The following ARAP2 variants were observed in gnomAD, a reference collection of about 807,000 sequenced individuals.
ARAP2 encodes the protein arf-GAP with Rho-GAP domain, ANK repeat and PH domain-containing protein 2.
Under a neutral mutation model 194.5 loss-of-function variants are expected in ARAP2, and 148 were observed. That is an observed-to-expected ratio of 0.76 (90% CI 0.67 to 0.87). The LOEUF is 0.87. Among genes scored for constraint, ARAP2 ranks in the 40% least tolerant of loss-of-function variants. The pLI, the probability that ARAP2 is intolerant of heterozygous loss-of-function variation, is 0.00. For synonymous variants in ARAP2, 695 were observed against 683.5 expected (o/e 1.02, Z -0.26); for missense variants, 2,128 against 1,989.7 (o/e 1.07, Z -1.32).
At chr4:36,228,354 C>A (rs1232992507) in intron 2 of ARAP2, among the ~76,000 whole-genome samples, 1 of 152,110 alleles carries the variant, frequency 6.6e-6, no homozygotes, top group Admixed American at 6.6e-5. Flanking sequence ...AGGGATGTCC[C>A]CCCGCTTAAA....
intron 3 of ARAP2, 50 bp downstream of exon 3, chr4:36,214,372 G>A (rs771934967): frequency 1.4e-6 from 2 of 1,471,852 alleles, no homozygotes; most frequent in South Asian, 2.5e-5. Context: ...ACACAGTTAA[G>A]ACTATCAAAT....
intron 27 of ARAP2, among the ~76,000 whole-genome samples, chr4:36,100,069 T>C (rs1231571012): frequency 6.6e-6 from 1 of 152,088 alleles, no homozygotes; most frequent in East Asian, 1.9e-4. Flanking sequence ...AAGCTGGATA[T>C]GGAGCGATCT....
chr4:36,072,643 A>G (rs1458828428), intron 32 of ARAP2, among the ~76,000 whole-genome samples: 7 of 148,060 alleles, frequency 4.7e-5, no homozygotes, highest in African/African-American at 1.7e-4. Flanking sequence ...AACTCTGCAG[A>G]GCGGTTTATT....
intron 20 of ARAP2, among the ~76,000 whole-genome samples, chr4:36,131,974 A>G (rs1725558399): frequency 6.6e-6 from 1 of 151,844 alleles, no homozygotes; most frequent in Admixed American, 6.6e-5. Flanking sequence ...CAGTAGATAT[A>G]TAACAAAAAC....
In ARAP2 at chr4:36,162,522, A is replaced by G. The variant is rs141394656; in HGVS notation, c.2174-972T>C. 5.1e-3 allele frequency among the ~76,000 whole-genome samples: 780 copies of G among 152,088 alleles called. 22 individuals are homozygous for G. The highest frequency in any genetic ancestry group is 0.047 in the Admixed American group (721 of 15,282). On this transcript the variant is annotated intron_variant, in intron 11 of 32. Transcript: ENST00000303965. ...GAGAAGGAAAAAAAGTGTACAGTCC[A>G]CTATCCTTGATCTTAAGGGCCCTTT... is the stretch of plus-strand genomic sequence containing the variant.
chr4:36,207,778 G>A (rs75729854), intron 6 of ARAP2, among the ~76,000 whole-genome samples: 3,083 of 151,292 alleles, frequency 0.02, 101 homozygotes, highest in African/African-American at 0.071. Context: ...GGAAACAATT[G>A]TTAAAAAAAA....
chr4:36,181,795 G>C (rs1220228484), intron 8 of ARAP2, among the ~76,000 whole-genome samples: 2 of 152,210 alleles, frequency 1.3e-5, no homozygotes, highest in Non-Finnish European at 2.9e-5. Context: ...TTACACTCTA[G>C]TGAAAGGAGG....
chr4:36,208,948 G>T (rs1291533522), intron 6 of ARAP2, among the ~76,000 whole-genome samples: 2 of 152,050 alleles, frequency 1.3e-5, no homozygotes, highest in Non-Finnish European at 2.9e-5. Context: ...AGAAAGAATG[G>T]AAAGTCAAAG....
intron 2 of ARAP2, among the ~76,000 whole-genome samples, chr4:36,056,538 A>G (rs1723543899): frequency 6.6e-6 from 1 of 152,098 alleles, no homozygotes; most frequent in Non-Finnish European, 1.5e-5. Flanking sequence ...CTTTCAACAT[A>G]TGTCTATATA....
chr4:36,229,534 G>A lies in ARAP2; in HGVS notation c.-48C>T. On this transcript the variant is annotated 5_prime_UTR_variant, in exon 2 of 33. Coordinates refer to ENST00000303965, the MANE Select transcript of ARAP2 (RefSeq NM_015230.4). Reference sequence around the variant, plus strand: ...TGAGTTACAAAAAGTGGCACGATGAGACACACACACAAGAAGATGTACTTC... The same window carrying A: ...TGAGTTACAAAAAGTGGCACGATGAAACACACACACAAGAAGATGTACTTC... 1 of 1,421,038 alleles carries A rather than the reference G, an allele frequency of 7.0e-7. No individual in the cohort carries two copies. The highest frequency in any genetic ancestry group is 9.6e-7 in the Non-Finnish European group (1 of 1,037,536). The allele number at this position is 1,421,038 out of a possible 1,614,324, so 88.0% of individuals were successfully genotyped here.
chr4:36,128,822 A>T, intron 20 of ARAP2, 77 bp from the exon 21 acceptor site: 1 of 1,181,936 alleles, frequency 8.5e-7, no homozygotes, highest in Non-Finnish European at 1.2e-6. Context: ...AACAAAACAA[A>T]TGTTTGTGTT....
chr4:36,144,042 A>T (rs1327292400), intron 19 of ARAP2, among the ~76,000 whole-genome samples: 1 of 151,798 alleles, frequency 6.6e-6, no homozygotes, highest in East Asian at 1.9e-4. Context: ...TCCATATATG[A>T]GGGGCTGGAC....
intron 10 of ARAP2, among the ~76,000 whole-genome samples, chr4:36,166,146 T>G (rs555527063): frequency 2.0e-5 from 3 of 152,154 alleles, no homozygotes; most frequent in South Asian, 2.1e-4. Flanking sequence ...TATTTTGACA[T>G]GCAAAATGAG....
chr4:36,177,465 G>A lies in ARAP2; in HGVS notation c.1857+362C>T, dbSNP rs75500313. 1.3e-4 allele frequency among the ~76,000 whole-genome samples: 20 copies of A among 152,214 alleles called. No homozygotes were observed. The East Asian group carries it at 3.3e-3, about 25-fold the overall frequency. ...TCACAAAAAATAAAAGCAGCACAGG[G>A]TGCAGAACTGGTCCTATTTCATCAA... On this transcript the variant is annotated intron_variant, in intron 9 of 32. Coordinates refer to ENST00000303965, the MANE Select transcript of ARAP2 (RefSeq NM_015230.4).
intron 25 of ARAP2, among the ~76,000 whole-genome samples, chr4:36,115,059 C>T (rs1720997088): frequency 6.6e-6 from 1 of 152,004 alleles, no homozygotes; most frequent in South Asian, 2.1e-4. Context: ...TTGATTTGCA[C>T]ATTTTCAGTA....
intron 9 of ARAP2, among the ~76,000 whole-genome samples, chr4:36,169,429 A>G (rs1028169148): frequency 3.3e-5 from 5 of 152,182 alleles, no homozygotes; most frequent in African/African-American, 1.2e-4. Flanking sequence ...TCATCTCCAC[A>G]GAAAGTCATA....
chr4:36,184,462 A>T lies in ARAP2; in HGVS notation c.1678+2989T>A, dbSNP rs1389920101. Among the ~76,000 whole-genome samples the T allele has an allele frequency of 5.3e-5, 8 of 152,318 alleles. No individual in the cohort carries two copies. The South Asian group carries it at 1.7e-3, about 32-fold the overall frequency. ...AATTAAAGACCTACAACTTATTTTAAAAACGAAAAATTTATACTGAAGTTA... is the reference window on the plus strand; with the variant it reads ...AATTAAAGACCTACAACTTATTTTATAAACGAAAAATTTATACTGAAGTTA... On this transcript the variant is annotated intron_variant, in intron 8 of 32. Coordinates refer to ENST00000303965, the MANE Select transcript of ARAP2 (RefSeq NM_015230.4).
At position 36,093,450 on chromosome 4, in the gene ARAP2, G is replaced by A. The variant is rs140413347; in HGVS notation, c.4286-1430C>T. Among the ~76,000 whole-genome samples, 33 of 152,016 alleles carry A rather than the reference G, an allele frequency of 2.2e-4. No homozygotes were observed. In the East Asian group the frequency reaches 6.2e-3, roughly 29 times the overall value. ...AACTAAATCTAAACATGCAATAATT[G>A]CTACAATTTATTGATTACCTATTAG... On this transcript the variant is annotated intron_variant, in intron 27 of 32. Coordinates refer to ENST00000303965, the MANE Select transcript of ARAP2 (RefSeq NM_015230.4).
At chr4:36,102,880 C>A (rs1183201892) in intron 27 of ARAP2, among the ~76,000 whole-genome samples, 1 of 151,572 alleles carries the variant, frequency 6.6e-6, no homozygotes, top group African/African-American at 2.4e-5. Flanking sequence ...TAGAAAATGT[C>A]AGGAAATTGG....
Sources: gnomAD v4.1 joint callset for allele counts (sites outside exome capture counted in the v4.1 genomes callset) on GRCh38, gnomAD v4.1.1 for gene constraint, MANE v1.5 for transcripts, NCBI Gene and HGNC (gene_info 2026-07-23, HGNC 2026-07-21) for gene names.